PDIA6: variants seen among roughly 807,000 people sequenced by gnomAD.
PDIA6 encodes protein disulfide isomerase family A member 6, also known as protein disulfide-isomerase A6.
In PDIA6, 29 loss-of-function variants were observed where a neutral mutation model predicts 58.4. The observed-to-expected ratio is 0.50, with a 90% confidence interval of 0.37 to 0.68. The LOEUF is 0.68. Ranked by LOEUF, PDIA6 falls within the 30% of genes least tolerant of loss-of-function variation. The probability of loss-of-function intolerance (pLI) is 0.00; values close to 1 mark genes in which losing one functional copy is unlikely to be tolerated. For missense variants in PDIA6, 480 were observed against 551.0 expected (o/e 0.87, Z 1.29); for synonymous variants, 192 against 202.6 (o/e 0.95, Z 0.44).
chr2:10,784,488 G>A (rs146257627), intron 12 of PDIA6, 162 bp from the exon 13 acceptor site: 101 of 563,176 alleles, frequency 1.8e-4, no homozygotes, highest in African/African-American at 1.5e-3. Context: ...ATGATTATAC[G>A]GATGGAAAAG....
chr2:10,789,944 A>G, intron 7 of PDIA6, 55 bp from the exon 8 acceptor site: 1 of 1,483,180 alleles, frequency 6.7e-7, no homozygotes. Context: ...GCAAAATAAC[A>G]CAATCTTTAC....
At chr2:10,813,630 T>C (rs1306475385), upstream of PDIA6, among the ~76,000 whole-genome samples, 1 of 146,992 alleles carries the variant, frequency 6.8e-6, no homozygotes, top group African/African-American at 2.6e-5. Context: ...CCGGCAAAAG[T>C]AAAAATTTTT....
At chr2:10,798,420 T>C (rs1474742323) in intron 2 of PDIA6, among the ~76,000 whole-genome samples, 1 of 151,744 alleles carries the variant, frequency 6.6e-6, no homozygotes, top group Middle Eastern at 3.2e-3. Context: ...ATACAAAAAT[T>C]AGCTGGGCAT....
intron 6 of PDIA6, among the ~76,000 whole-genome samples, 159 bp downstream of exon 6, chr2:10,791,636 T>C (rs1666038947): frequency 6.6e-6 from 1 of 152,280 alleles, no homozygotes; most frequent in Admixed American, 6.5e-5. Context: ...GTGGAAGCTC[T>C]TGGCGCTAAT....
At chr2:10,788,347 C>T (rs1261589681) in intron 10 of PDIA6, among the ~76,000 whole-genome samples, 2 of 152,098 alleles carry the variant, frequency 1.3e-5, no homozygotes, top group Non-Finnish European at 2.9e-5. Flanking sequence ...GTTTTCACAT[C>T]CTGAATAAAA....
At chr2:10,794,263 T>C (rs544523452) in intron 4 of PDIA6, among the ~76,000 whole-genome samples, 9 of 151,628 alleles carry the variant, frequency 5.9e-5, no homozygotes, top group Admixed American at 2.6e-4. Flanking sequence ...CTGCCCAACA[T>C]GGTGAAACCC....
At chr2:10,834,545 T>C (rs1011682146), upstream of PDIA6, among the ~76,000 whole-genome samples, 5 of 152,078 alleles carry the variant, frequency 3.3e-5, no homozygotes, top group African/African-American at 9.7e-5. Flanking sequence ...GGGTGCTTAG[T>C]AAACCCTTGT....
At chr2:10,835,366 G>T (rs778932101), upstream of PDIA6, among the ~76,000 whole-genome samples, 1 of 151,592 alleles carries the variant, frequency 6.6e-6, no homozygotes, top group Non-Finnish European at 1.5e-5. Flanking sequence ...TGACCAGGCC[G>T]CTGGCAGTGA....
intron 1 of PDIA6, among the ~76,000 whole-genome samples, chr2:10,806,329 C>T (rs1286215138): frequency 6.8e-6 from 1 of 146,124 alleles, no homozygotes; most frequent in Non-Finnish European, 1.5e-5. Context: ...GGCTGTGATG[C>T]ACCACTCACT....
At chr2:10,824,476 A>T (rs1430084472) in intron 1 of PDIA6, among the ~76,000 whole-genome samples, 1 of 152,258 alleles carries the variant, frequency 6.6e-6, no homozygotes, top group African/African-American at 2.4e-5. Flanking sequence ...TTGTCACCAC[A>T]ATAGCCACTA....
chr2:10,798,577 A>C lies in PDIA6; in HGVS notation c.162-820T>G, dbSNP rs376829844. Among the ~76,000 whole-genome samples, 287 of 124,968 alleles carry C rather than the reference A, an allele frequency of 2.3e-3. 2 individuals are homozygous for C. The highest frequency in any genetic ancestry group is 9.4e-3 in the Admixed American group (125 of 13,352). The allele number at this position is 124,968 out of a possible 152,430, so 82.0% of individuals were successfully genotyped here. On this transcript the variant is annotated intron_variant, in intron 2 of 12. Transcript: ENST00000272227. ...AGCAAGACTCTGTCCCCCACCCAAAAAAAAAAAAAAAAGCTTCCGAATTAC... is the reference window on the plus strand; with the variant it reads ...AGCAAGACTCTGTCCCCCACCCAAACAAAAAAAAAAAAGCTTCCGAATTAC...
intron 1 of PDIA6, among the ~76,000 whole-genome samples, chr2:10,826,393 C>T (rs1667557033): frequency 6.6e-6 from 1 of 151,814 alleles, no homozygotes; most frequent in Non-Finnish European, 1.5e-5. Context: ...GAGTCTCGCT[C>T]TTGTTGCCTA....
At chr2:10,789,701 C>T (rs1665943980) in intron 8 of PDIA6, 48 bp downstream of exon 8, 2 of 1,566,202 alleles carry the variant, frequency 1.3e-6, no homozygotes, top group Non-Finnish European at 1.8e-6. Context: ...CATTCCTCAC[C>T]ATCAGCTAAA....
At chr2:10,820,346 G>A (rs1022843169) in intron 1 of PDIA6, among the ~76,000 whole-genome samples, 10 of 152,156 alleles carry the variant, frequency 6.6e-5, no homozygotes, top group African/African-American at 1.9e-4. Context: ...TTTGTATAAG[G>A]TGTACATTTC....
intron 7 of PDIA6, 21 bp from the exon 8 acceptor site, chr2:10,789,910 G>T (rs148210756): frequency 6.2e-7 from 1 of 1,600,210 alleles, no homozygotes; most frequent in East Asian, 2.2e-5. Flanking sequence ...AAGGTCAGAG[G>T]ATAAAATCCA....
Position 10,792,886 on chromosome 2 carries a change from G to C in PDIA6, c.453+210C>G, listed in dbSNP as rs184093628. Among the ~76,000 whole-genome samples the C allele has an allele frequency of 3.7e-3, 562 of 152,310 alleles. 5 individuals are homozygous for C. The highest frequency in any genetic ancestry group is 0.013 in the African/African-American group (542 of 41,574). On this transcript the variant is annotated intron_variant, in intron 5 of 12. Coordinates refer to ENST00000272227, the MANE Select transcript of PDIA6 (RefSeq NM_005742.4). ...AGGTGTGGCAAGAGGCCCTGGGACT[G>C]ACTGGCTTTGGCAACAGCAATTCTG...
intron 1 of PDIA6, among the ~76,000 whole-genome samples, chr2:10,803,633 T>G (rs980266388): frequency 6.6e-6 from 1 of 151,696 alleles, no homozygotes; most frequent in Non-Finnish European, 1.5e-5. Context: ...CTCTGGAAAC[T>G]TACATGCAAT....
intron 1 of PDIA6, among the ~76,000 whole-genome samples, chr2:10,810,617 T>A (rs1666965375): frequency 6.6e-6 from 1 of 152,036 alleles, no homozygotes; most frequent in Non-Finnish European, 1.5e-5. Flanking sequence ...GGCTACCCAA[T>A]GAAAATGCTG....
Position 10,820,440 on chromosome 2 carries a change from G to A in PDIA6, c.-47-1086C>T, listed in dbSNP as rs115474172. On this transcript the variant is annotated intron_variant, in intron 1 of 13. Transcript: ENST00000381611. ...TGCCCATTTCTTTTTTACTGTACAC[G>A]TGTTAACAAAGAAGGGGAAGATGGA... 3.6e-3 allele frequency among the ~76,000 whole-genome samples: 554 copies of A among 152,250 alleles called. 3 individuals carry two copies. The highest frequency in any genetic ancestry group is 0.012 in the African/African-American group (502 of 41,552).
Sources: gnomAD v4.1 joint callset for allele counts (sites outside exome capture counted in the v4.1 genomes callset) on GRCh38, gnomAD v4.1.1 for gene constraint, MANE v1.5 for transcripts, NCBI Gene and HGNC (gene_info 2026-07-23, HGNC 2026-07-21) for gene names.